MALRD1: variants seen among roughly 807,000 people sequenced by gnomAD.
The protein encoded by MALRD1 is MAM and LDL receptor class A domain containing 1, also known as MAM and LDL-receptor class A domain-containing protein 1.
MALRD1 carries 247 observed loss-of-function variants against 242.1 expected under a neutral mutation model. The ratio of observed to expected loss-of-function variants is 1.02; its 90% CI spans 0.92 to 1.13. The LOEUF is 1.13. Among genes scored for constraint, MALRD1 ranks in the 50% most tolerant of loss-of-function variants. The probability of loss-of-function intolerance (pLI) is 0.00; values close to 1 mark genes in which losing one functional copy is unlikely to be tolerated. For missense variants in MALRD1, 2,989 were observed against 2,533.1 expected (o/e 1.18, Z -3.86); for synonymous variants, 995 against 866.6 (o/e 1.15, Z -2.60).
intron 38 of MALRD1, among the ~76,000 whole-genome samples, chr10:19,700,557 C>T (rs1052699869): frequency 3.9e-5 from 6 of 152,116 alleles, no homozygotes; most frequent in South Asian, 2.1e-4. Flanking sequence ...TTTAAACTAC[C>T]TTGTTGTGAT....
At chr10:19,224,986 C>G (rs1473105171) in intron 18 of MALRD1, among the ~76,000 whole-genome samples, 1 of 152,122 alleles carries the variant, frequency 6.6e-6, no homozygotes, top group Non-Finnish European at 1.5e-5. Context: ...ATGTTTAAGT[C>G]TTTAATCCAT....
At chr10:19,656,009 A>T (rs1441100610) in intron 36 of MALRD1, among the ~76,000 whole-genome samples, 1 of 152,168 alleles carries the variant, frequency 6.6e-6, no homozygotes, top group East Asian at 1.9e-4. Context: ...TATAAATTGT[A>T]GATAGTAATG....
chr10:19,353,358 T>G (rs947254923), intron 26 of MALRD1, among the ~76,000 whole-genome samples: 2 of 152,156 alleles, frequency 1.3e-5, no homozygotes, highest in African/African-American at 4.8e-5. Flanking sequence ...AAGTGCAGTT[T>G]CATTGATATT....
Position 19,204,974 on chromosome 10 carries a change from A to G in MALRD1, c.2287A>G (p.Ile763Val). Residue 763 changes from isoleucine to valine, a missense_variant, in exon 17 of 40, where the codon ATT (isoleucine) becomes GTT (valine). Coordinates refer to ENST00000454679, the MANE Select transcript of MALRD1 (RefSeq NM_001142308.3). The part of the protein sequence containing the change: ...HMENSHDSTV[I>V]WRVLYNQGKQ... ...GGAAAATTCTCATGACTCAACAGTG[A>G]TTTGGAGAGTATTATACAATCAGGG... The G allele has an allele frequency of 6.4e-7, 1 of 1,550,712 alleles. No individual in the cohort carries two copies. Among genetic ancestry groups the G allele is most frequent in the Non-Finnish European group, 8.7e-7 (1 of 1,146,996 alleles).
At chr10:19,067,742 A>AT (rs1351701072) in intron 2 of MALRD1, among the ~76,000 whole-genome samples, 3 of 152,062 alleles carry the variant, frequency 2.0e-5, no homozygotes, top group Non-Finnish European at 4.4e-5. Context: ...ATGATGCTAA[A>AT]TTTTTAGGAT....
chr10:19,414,672 C>T (rs913607692), intron 28 of MALRD1, among the ~76,000 whole-genome samples: 9 of 152,006 alleles, frequency 5.9e-5, no homozygotes, highest in African/African-American at 1.2e-4. Flanking sequence ...AGTGACTTCA[C>T]GGAGTGTAGG....
intron 2 of MALRD1, among the ~76,000 whole-genome samples, chr10:19,083,782 G>A (rs1022191867): frequency 4.6e-5 from 7 of 151,856 alleles, no homozygotes; most frequent in African/African-American, 9.7e-5. Flanking sequence ...ATGAGACTAG[G>A]GCAAGTTAAA....
intron 28 of MALRD1, among the ~76,000 whole-genome samples, chr10:19,415,954 G>C (rs754346670): frequency 6.6e-6 from 1 of 152,130 alleles, no homozygotes; most frequent in African/African-American, 2.4e-5. Context: ...TTAATGAAGT[G>C]GGCTTTTAAA....
intron 29 of MALRD1, among the ~76,000 whole-genome samples, chr10:19,478,680 C>G (rs1266285510): frequency 1.3e-5 from 2 of 152,176 alleles, no homozygotes; most frequent in African/African-American, 4.8e-5. Flanking sequence ...TGACCCAATT[C>G]TGGTTTGTTT....
chr10:19,361,327 C>T (rs1043144825), intron 26 of MALRD1, among the ~76,000 whole-genome samples: 1 of 152,116 alleles, frequency 6.6e-6, no homozygotes. Flanking sequence ...GGAGCTCAAG[C>T]TTTGATCTCA....
intron 29 of MALRD1, among the ~76,000 whole-genome samples, chr10:19,456,727 C>T (rs755802613): frequency 3.1e-4 from 47 of 150,748 alleles, no homozygotes; most frequent in Non-Finnish European, 2.1e-4. Flanking sequence ...CACATCTCGC[C>T]CTAATGAAAT....
intron 21 of MALRD1, among the ~76,000 whole-genome samples, chr10:19,308,055 T>C (rs1842288696): frequency 6.6e-6 from 1 of 151,584 alleles, no homozygotes; most frequent in South Asian, 2.1e-4. Flanking sequence ...CTTTTAGTTA[T>C]TTTAAAATGT....
intron 18 of MALRD1, among the ~76,000 whole-genome samples, chr10:19,244,847 C>T (rs1222194386): frequency 6.6e-6 from 1 of 152,172 alleles, no homozygotes; most frequent in Non-Finnish European, 1.5e-5. Flanking sequence ...TCATATGAAA[C>T]ATCCCAGCCT....
chr10:19,158,801 A>G (rs1251373921), intron 12 of MALRD1, among the ~76,000 whole-genome samples: 1 of 152,256 alleles, frequency 6.6e-6, no homozygotes, highest in Non-Finnish European at 1.5e-5. Context: ...TGAGTCCAGT[A>G]TAATAATAAC....
At chr10:19,194,229 TTAAACA>T (rs1201153514) in intron 14 of MALRD1, among the ~76,000 whole-genome samples, 5 of 152,110 alleles carry the variant, frequency 3.3e-5, no homozygotes, top group Admixed American at 2.0e-4. Flanking sequence ...ATATTTACTT[TTAAACA>T]TAAACATAAA....
chr10:19,528,357 A>T (rs1464483916), intron 31 of MALRD1, among the ~76,000 whole-genome samples: 1 of 152,104 alleles, frequency 6.6e-6, no homozygotes. Flanking sequence ...CACTTTGGGA[A>T]GCCGAGGCGG....
intron 21 of MALRD1, among the ~76,000 whole-genome samples, chr10:19,306,285 A>G (rs952695956): frequency 3.6e-5 from 5 of 138,994 alleles, no homozygotes; most frequent in Admixed American, 1.6e-4. Flanking sequence ...TATACCGTAT[A>G]TAGTATATAT....
At chr10:19,341,423 A>G (rs1169801049) in intron 24 of MALRD1, among the ~76,000 whole-genome samples, 1 of 140,856 alleles carries the variant, frequency 7.1e-6, no homozygotes, top group East Asian at 2.0e-4. Context: ...CAAAATAAGT[A>G]AAATAACACT....
intron 39 of MALRD1, among the ~76,000 whole-genome samples, chr10:19,733,887 C>T (rs550674256): frequency 1.1e-4 from 16 of 151,984 alleles, no homozygotes; most frequent in Admixed American, 2.0e-4. Context: ...AAGCAGTAGT[C>T]GAAATATTGG....
Sources: allele counts gnomAD v4.1 joint callset (sites outside exome capture counted in the v4.1 genomes callset), GRCh38; gene constraint gnomAD v4.1.1; transcripts MANE v1.5; gene names NCBI Gene and HGNC (gene_info 2026-07-23, HGNC 2026-07-21).